The following DESI2 variants were observed in gnomAD, a reference collection of about 807,000 sequenced individuals.
The protein encoded by DESI2 is desumoylating isopeptidase 2.
Under a neutral mutation model 24.1 loss-of-function variants are expected in DESI2, and 10 were observed. The observed-to-expected ratio is 0.41, with a 90% CI of 0.26 to 0.70. DESI2 has a LOEUF of 0.70. Among genes scored for constraint, DESI2 ranks in the 30% least tolerant of loss-of-function variants. The probability of loss-of-function intolerance (pLI) is 0.29; values close to 1 mark genes in which losing one functional copy is unlikely to be tolerated. For synonymous variants in DESI2, 71 were observed against 87.7 expected, an observed-to-expected ratio of 0.81 and a Z score of 1.06; for missense variants, 122 against 234.9, an observed-to-expected ratio of 0.52 and a Z score of 3.14.
Position 244,707,512 on chromosome 1 carries a change from T to A in DESI2, c.*1723T>A, listed in dbSNP as rs1677754371. 6.6e-6 allele frequency: 1 copy of A among 152,632 alleles called. No homozygotes were observed. Among genetic ancestry groups the A allele is most frequent in the African/African-American group, 2.4e-5 (1 of 41,466 alleles). The allele number at this position is 152,632 out of a possible 1,614,324, so 9.5% of individuals were successfully genotyped here. On this transcript the variant is annotated 3_prime_UTR_variant, in exon 5 of 5. Transcript: ENST00000302550. ...AGGAATATATGAACTTAATGAGATGTCGACTTGGTTCAGGTCTAAAAATGA... is the reference window on the plus strand; with the variant it reads ...AGGAATATATGAACTTAATGAGATGACGACTTGGTTCAGGTCTAAAAATGA...
intron 1 of DESI2, chr1:244,653,831 AGGTCACAGCTTTCG>A (rs530296729): frequency 1.7e-4 from 70 of 422,446 alleles, no homozygotes; most frequent in South Asian, 1.3e-3. Context: ...TAAGTCCAGA[AGGTCACAGCTTTCG>A]GGTGCCTGTG....
At chr1:244,655,095 G>T (rs1054955562) in intron 1 of DESI2, among the ~76,000 whole-genome samples, 1 of 152,200 alleles carries the variant, frequency 6.6e-6, no homozygotes, top group Non-Finnish European at 1.5e-5. Context: ...AATTGTGGTC[G>T]ATTGGGAAAA....
At position 244,653,225 on chromosome 1, in the gene DESI2, C is replaced by T. The variant is rs1048326045; in HGVS notation, c.-89C>T. The stretch of plus-strand genomic sequence containing the variant: ...TGTACGCTTAGTGCCCGGCTCAGGC[C>T]CCCTGAAGCGCCCGCGGGGGTGAGA... On this transcript the variant is annotated 5_prime_UTR_variant, in exon 1 of 5. Coordinates refer to ENST00000302550, the MANE Select transcript of DESI2 (RefSeq NM_016076.5). 1.3e-5 allele frequency: 18 copies of T among 1,359,162 alleles called. No individual in the cohort carries two copies. Among genetic ancestry groups the T allele is most frequent in the Non-Finnish European group, 1.7e-5 (18 of 1,031,592 alleles). The allele number at this position is 1,359,162 out of a possible 1,614,324, so 84.2% of individuals were successfully genotyped here.
chr1:244,704,337 G>A (rs1677605787), intron 4 of DESI2, among the ~76,000 whole-genome samples: 1 of 152,138 alleles, frequency 6.6e-6, no homozygotes, highest in African/African-American at 2.4e-5. Context: ...AGTGGCAGTG[G>A]GGCATGAACG....
chr1:244,671,972 G>A (rs1331945507), intron 1 of DESI2, among the ~76,000 whole-genome samples: 1 of 152,174 alleles, frequency 6.6e-6, no homozygotes, highest in East Asian at 1.9e-4. Flanking sequence ...ATTTTTAAAT[G>A]TAATGACAAA....
intron 1 of DESI2, 155 bp downstream of exon 1, chr1:244,653,510 A>G: frequency 1.4e-6 from 1 of 702,482 alleles, no homozygotes; most frequent in Non-Finnish European, 2.2e-6. Flanking sequence ...GAGTATTGTT[A>G]TTTTTTAATC....
At chr1:244,672,729 T>C (rs1398332535) in intron 1 of DESI2, among the ~76,000 whole-genome samples, 1 of 151,826 alleles carries the variant, frequency 6.6e-6, no homozygotes, top group Non-Finnish European at 1.5e-5. Flanking sequence ...ATACAAAAAT[T>C]AGCCAGGCAT....
At chr1:244,664,542 C>T (rs1159224909) in intron 1 of DESI2, among the ~76,000 whole-genome samples, 2 of 152,136 alleles carry the variant, frequency 1.3e-5, no homozygotes, top group African/African-American at 4.8e-5. Flanking sequence ...CTTATCTCTA[C>T]AAAAAATAAA....
At chr1:244,699,308 G>A (rs557259722) in intron 4 of DESI2, among the ~76,000 whole-genome samples, 5 of 152,104 alleles carry the variant, frequency 3.3e-5, no homozygotes, top group South Asian at 4.1e-4. Context: ...TTCTGGCCAG[G>A]TGCGGTGGCT....
At chr1:244,685,605 C>T (rs1437126561) in intron 1 of DESI2, among the ~76,000 whole-genome samples, 1 of 152,154 alleles carries the variant, frequency 6.6e-6, no homozygotes, top group Non-Finnish European at 1.5e-5. Flanking sequence ...ACACAACTGA[C>T]TTGTTCATTT....
chr1:244,695,429 G>C (rs1164101587), intron 4 of DESI2, among the ~76,000 whole-genome samples: 1 of 152,166 alleles, frequency 6.6e-6, no homozygotes, highest in Non-Finnish European at 1.5e-5. Flanking sequence ...CAAGGTCGGG[G>C]GATCACAAGG....
intron 4 of DESI2, among the ~76,000 whole-genome samples, chr1:244,700,166 A>C (rs1195007621): frequency 6.6e-6 from 1 of 152,168 alleles, no homozygotes; most frequent in East Asian, 1.9e-4. Context: ...GGTAAGTCCT[A>C]CCTGTGAATA....
intron 1 of DESI2, among the ~76,000 whole-genome samples, chr1:244,659,932 G>A (rs1364080187): frequency 6.6e-6 from 1 of 152,136 alleles, no homozygotes; most frequent in African/African-American, 2.4e-5. Flanking sequence ...AAAATTTGAA[G>A]TATTTGAAAA....
intron 1 of DESI2, among the ~76,000 whole-genome samples, chr1:244,658,323 G>C (rs917931777): frequency 2.0e-5 from 3 of 152,092 alleles, no homozygotes; most frequent in Non-Finnish European, 2.9e-5. Context: ...TTTTTTAGCT[G>C]TCCAAACAGG....
chr1:244,705,993 CTGTT>C lies in DESI2; in HGVS notation c.*206_*209del. ...GGAGAACTTTGTAAGAAGCTGCCCT[CTGTT>C]TTTTTTATCCACTCGTAAATCTGGA... On this transcript the variant is annotated 3_prime_UTR_variant, in exon 5 of 5. Transcript: ENST00000302550. The C allele has an allele frequency of 7.2e-6, 4 of 556,218 alleles. No individual in the cohort carries two copies. The highest frequency in any genetic ancestry group is 2.3e-5 in the South Asian group (1 of 44,268). The allele number at this position is 556,218 out of a possible 1,614,324, so 34.5% of individuals were successfully genotyped here. A position where few individuals can be genotyped will look rare whatever the true frequency, so the allele number is the denominator to read the frequency against.
intron 1 of DESI2, among the ~76,000 whole-genome samples, chr1:244,663,404 C>T (rs1162679516): frequency 5.3e-5 from 8 of 152,068 alleles, no homozygotes; most frequent in Non-Finnish European, 8.8e-5. Context: ...TCTCGATCTC[C>T]TGACCTCGTG....
At chr1:244,671,476 T>C (rs1440257183) in intron 1 of DESI2, among the ~76,000 whole-genome samples, 1 of 152,236 alleles carries the variant, frequency 6.6e-6, no homozygotes, top group East Asian at 1.9e-4. Flanking sequence ...GTCTGCTGAA[T>C]GTTAATACTA....
chr1:244,686,238 T>C (rs1676813616), intron 1 of DESI2, among the ~76,000 whole-genome samples: 1 of 150,342 alleles, frequency 6.7e-6, no homozygotes, highest in Non-Finnish European at 1.5e-5. Context: ...AAAATAGATA[T>C]GAAAGCACAC....
chr1:244,689,331 A>G lies in DESI2; in HGVS notation c.198A>G (p.Thr66=), dbSNP rs1676937417. The G allele has an allele frequency of 2.0e-6, 3 of 1,503,694 alleles. No individual in the cohort carries two copies. Among genetic ancestry groups the G allele is most frequent in the South Asian group, 2.3e-5 (2 of 88,622 alleles). 93.1% of individuals were successfully genotyped at this position (1,503,694 alleles called of 1,614,324 possible). The change falls in exon 3 of 5, where the codon ACA becomes ACG. Residue 66 remains threonine, a synonymous_variant. Coordinates refer to ENST00000302550, the MANE Select transcript of DESI2 (RefSeq NM_016076.5). This position sits in a 1 kb window ranked among gnomAD's most constrained non-coding sequence, Gnocchi z 4.0. ...GAAATGCTTCTGAACTAGGAGAAACATTTAAATTTAAGTAAGTAGGGAGGA... is the reference window on the plus strand; with the variant it reads ...GAAATGCTTCTGAACTAGGAGAAACGTTTAAATTTAAGTAAGTAGGGAGGA... ...SPGNASELGE[T]FKFKEAVVLG...
Sources: allele counts gnomAD v4.1 joint callset (sites outside exome capture counted in the v4.1 genomes callset), GRCh38; gene constraint gnomAD v4.1.1; non-coding constraint Gnocchi (gnomAD v3.1); transcripts MANE v1.5; gene names NCBI Gene and HGNC (gene_info 2026-07-23, HGNC 2026-07-21).